TNR: variants seen among roughly 807,000 people sequenced by gnomAD.
TNR encodes tenascin R.
Under a neutral mutation model 150.4 loss-of-function variants are expected in TNR, and 45 were observed. The observed-to-expected ratio is 0.30, with a 90% CI of 0.24 to 0.38. TNR has a LOEUF of 0.38. TNR is among the 10% of genes least tolerant of loss of function. The pLI is 1.00. For synonymous variants in TNR, 687 were observed against 678.4 expected (o/e 1.01, Z -0.20); for missense variants, 1,544 against 1,759.1 (o/e 0.88, Z 2.19).
rs186484229 is a variant in TNR, at chr1:175,490,247, T to C, written c.-64+38022A>G. Among the ~76,000 whole-genome samples the C allele has an allele frequency of 3.3e-3, 509 of 152,256 alleles. 2 individuals carry two copies. The highest frequency in any genetic ancestry group is 0.012 in the African/African-American group (486 of 41,542). ...TCAAGGTGAATTAAAGACTTAAATG[T>C]AAAACCCAAAACTATAAAAACCTTA... On this transcript the variant is annotated intron_variant, in intron 2 of 22. Transcript: ENST00000367674.
chr1:175,406,064 A>C, intron 3 of TNR, 152 bp downstream of exon 3: 1 of 1,004,998 alleles, frequency 1.0e-6, no homozygotes, highest in Non-Finnish European at 1.4e-6. Context: ...AGACTAGGAC[A>C]CTTTTTTCCT....
At chr1:175,704,452 T>C (rs1331575763) in intron 1 of TNR, among the ~76,000 whole-genome samples, 1 of 152,038 alleles carries the variant, frequency 6.6e-6, no homozygotes, top group African/African-American at 2.4e-5. Flanking sequence ...AGAAGGATAG[T>C]CTGGAAAAAA....
intron 1 of TNR, among the ~76,000 whole-genome samples, chr1:175,627,617 G>T (rs1447591549): frequency 6.6e-6 from 1 of 152,190 alleles, no homozygotes; most frequent in Non-Finnish European, 1.5e-5. Flanking sequence ...CGAGTAGTTT[G>T]CACCAGGCTT....
intron 18 of TNR, among the ~76,000 whole-genome samples, chr1:175,352,609 T>C (rs938932087): frequency 3.3e-5 from 5 of 152,126 alleles, no homozygotes; most frequent in Non-Finnish European, 7.4e-5. Context: ...GGAGCATAAT[T>C]GACTCCAGCC....
chr1:175,580,823 C>A (rs1662323439), intron 1 of TNR, among the ~76,000 whole-genome samples: 1 of 152,062 alleles, frequency 6.6e-6, no homozygotes, highest in South Asian at 2.1e-4. Context: ...GCATGTAGAT[C>A]TATTTCCTTC....
In TNR at chr1:175,380,894, G is replaced by A. The variant is rs141846895; in HGVS notation, c.1778-1157C>T. 6.6e-4 allele frequency among the ~76,000 whole-genome samples: 100 copies of A among 152,318 alleles called. 1 individual carries two copies. The highest frequency in any genetic ancestry group is 1.1e-3 in the Admixed American group (17 of 15,298). On this transcript the variant is annotated intron_variant, in intron 8 of 22. Coordinates refer to ENST00000367674, the MANE Select transcript of TNR (RefSeq NM_003285.3). ...ATTGTGAGAAAACCTCGAGTGGACT[G>A]TTTTAATATGCAAAAGCAAGGCAAG...
At chr1:175,354,599 C>A in intron 17 of TNR, 76 bp from the exon 18 acceptor site, 1 of 1,597,238 alleles carries the variant, frequency 6.3e-7, no homozygotes, top group South Asian at 1.1e-5. Context: ...GAAGGGAAGT[C>A]CAAATCCCAT....
chr1:175,382,064 G>A (rs1042423174), intron 8 of TNR, among the ~76,000 whole-genome samples: 6 of 152,142 alleles, frequency 3.9e-5, no homozygotes. Flanking sequence ...TTTTCAAACC[G>A]CTTGATCCAA....
At chr1:175,657,850 CATGT>C (rs1206729555) in intron 1 of TNR, among the ~76,000 whole-genome samples, 3 of 65,146 alleles carry the variant, frequency 4.6e-5, no homozygotes, top group Non-Finnish European at 8.4e-5. Context: ...CAACATGGAA[CATGT>C]ATATATATAT....
chr1:175,676,787 C>T (rs1020831389), intron 1 of TNR, among the ~76,000 whole-genome samples: 7 of 152,186 alleles, frequency 4.6e-5, no homozygotes, highest in South Asian at 4.1e-4. Flanking sequence ...CTCTTGAATA[C>T]AAATGCCACA....
chr1:175,642,994 GATA>G (rs1168365004), intron 1 of TNR, among the ~76,000 whole-genome samples: 3 of 152,168 alleles, frequency 2.0e-5, no homozygotes, highest in Non-Finnish European at 2.9e-5. Flanking sequence ...CCTAAAATAG[GATA>G]ATGACAACTG....
At chr1:175,430,376 C>T (rs950609327) in intron 2 of TNR, among the ~76,000 whole-genome samples, 1 of 152,118 alleles carries the variant, frequency 6.6e-6, no homozygotes, top group African/African-American at 2.4e-5. Flanking sequence ...GTCAGGCATC[C>T]TGTAATCAGA....
intron 1 of TNR, among the ~76,000 whole-genome samples, chr1:175,649,445 T>C (rs943159444): frequency 6.6e-6 from 1 of 152,200 alleles, no homozygotes; most frequent in Admixed American, 6.5e-5. Flanking sequence ...ATCACTGTGC[T>C]GTTTGCTTAT....
At chr1:175,410,003 C>T (rs1433171773) in intron 2 of TNR, among the ~76,000 whole-genome samples, 1 of 152,138 alleles carries the variant, frequency 6.6e-6, no homozygotes, top group Admixed American at 6.5e-5. Flanking sequence ...GTGGTAACTG[C>T]TATGGAGGGA....
intron 1 of TNR, among the ~76,000 whole-genome samples, chr1:175,584,333 G>A (rs1163340396): frequency 3.9e-5 from 6 of 152,146 alleles, no homozygotes; most frequent in African/African-American, 1.4e-4. Flanking sequence ...TACCAGCCAA[G>A]GAATGACAAG....
At chr1:175,698,733 G>T (rs1013222434) in intron 1 of TNR, among the ~76,000 whole-genome samples, 1 of 152,044 alleles carries the variant, frequency 6.6e-6, no homozygotes, top group Non-Finnish European at 1.5e-5. Context: ...CCCTCAGGAG[G>T]CTGAGGCAGG....
At chr1:175,550,247 C>T (rs187383174) in intron 1 of TNR, among the ~76,000 whole-genome samples, 68 of 152,268 alleles carry the variant, frequency 4.5e-4, no homozygotes, top group Admixed American at 9.8e-4. Context: ...CACTGCAAAC[C>T]GGAAGACTAG....
intron 2 of TNR, among the ~76,000 whole-genome samples, chr1:175,519,964 T>C (rs1045105010): frequency 4.6e-5 from 7 of 152,228 alleles, no homozygotes; most frequent in African/African-American, 1.7e-4. Context: ...ATCCCTGTTC[T>C]TCCACTTACT....
intron 9 of TNR, among the ~76,000 whole-genome samples, chr1:175,372,131 C>A (rs555487448): frequency 6.6e-6 from 1 of 151,944 alleles, no homozygotes; most frequent in Non-Finnish European, 1.5e-5. Flanking sequence ...GTGTGATGCG[C>A]GGGCTACTCC....
Sources: allele counts gnomAD v4.1 joint callset (sites outside exome capture counted in the v4.1 genomes callset), GRCh38; gene constraint gnomAD v4.1.1; transcripts MANE v1.5; gene names NCBI Gene and HGNC (gene_info 2026-07-23, HGNC 2026-07-21).